RGS6: variants seen among roughly 807,000 people sequenced by gnomAD.
RGS6 encodes the protein regulator of G-protein signaling 6.
Under a neutral mutation model 78.5 loss-of-function variants are expected in RGS6, and 30 were observed. The ratio of observed to expected loss-of-function variants is 0.38; its 90% CI spans 0.29 to 0.52. The LOEUF is 0.52. Among genes scored for constraint, RGS6 ranks in the 20% least tolerant of loss-of-function variants. RGS6 has a pLI of 0.85. For missense variants in RGS6, 495 were observed against 609.7 expected (o/e 0.81, Z 1.98); for synonymous variants, 206 against 206.0 (o/e 1.00, Z 0.00).
chr14:72,614,777 G>GGAAAAAAAAAAAA, the RGS6 span, among the ~76,000 whole-genome samples: 50 of 96,058 alleles, frequency 5.2e-4, no homozygotes, highest in Middle Eastern at 7.0e-3. Context: ...ACAAGCCTCA[G>GGAAAAAAAAAAAA]AAAAAAAAAA....
chr14:72,626,359 A>G, the RGS6 span, among the ~76,000 whole-genome samples: 1 of 151,936 alleles, frequency 6.6e-6, no homozygotes, highest in Non-Finnish European at 1.5e-5. Context: ...TTCTTCTTAT[A>G]TTTCTTTTAC....
At chr14:72,335,147 G>C (rs1459684804) in intron 2 of RGS6, among the ~76,000 whole-genome samples, 1 of 152,074 alleles carries the variant, frequency 6.6e-6, no homozygotes, top group Non-Finnish European at 1.5e-5. Context: ...TGATTGTGAG[G>C]CTTCCCCAGC....
At chr14:72,047,157 C>T (rs922883950) in intron 2 of RGS6, among the ~76,000 whole-genome samples, 9 of 152,166 alleles carry the variant, frequency 5.9e-5, no homozygotes, top group East Asian at 5.8e-4. Context: ...CAGCTCCAGA[C>T]GATGGTCTAC....
intron 2 of RGS6, among the ~76,000 whole-genome samples, chr14:72,212,753 C>T (rs908143854): frequency 6.6e-6 from 1 of 152,100 alleles, no homozygotes; most frequent in Non-Finnish European, 1.5e-5. Flanking sequence ...GGACACAAAC[C>T]CACAACATAA....
intron 15 of RGS6, 96 bp from the exon 16 acceptor site, chr14:72,536,090 A>G (rs2097248146): frequency 2.1e-6 from 2 of 973,732 alleles, no homozygotes; most frequent in African/African-American, 3.2e-5. Context: ...AGGTTCCTTC[A>G]TCTCCTTCCC....
At chr14:72,143,395 CT>C in intron 2 of RGS6, among the ~76,000 whole-genome samples, 1 of 152,038 alleles carries the variant, frequency 6.6e-6, no homozygotes, top group Non-Finnish European at 1.5e-5. Flanking sequence ...AAAAAACTGT[CT>C]TTTTCTAGCC....
chr14:72,488,822 G>T (rs1441223140), intron 12 of RGS6, among the ~76,000 whole-genome samples: 1 of 152,154 alleles, frequency 6.6e-6, no homozygotes, highest in Non-Finnish European at 1.5e-5. Context: ...TGGCTGGTTG[G>T]ACCCCACTTC....
intron 2 of RGS6, among the ~76,000 whole-genome samples, chr14:72,211,108 C>G (rs1037953774): frequency 1.3e-5 from 2 of 152,116 alleles, no homozygotes; most frequent in Non-Finnish European, 2.9e-5. Flanking sequence ...GTGAACAGAG[C>G]AGGTCACTGA....
At chr14:72,410,934 G>A (rs1233884800) in intron 3 of RGS6, among the ~76,000 whole-genome samples, 1 of 152,154 alleles carries the variant, frequency 6.6e-6, no homozygotes, top group African/African-American at 2.4e-5. Context: ...CTATATCTCT[G>A]TTTTGGTACC....
At chr14:72,433,660 G>A (rs1018543073) in intron 3 of RGS6, among the ~76,000 whole-genome samples, 3 of 152,024 alleles carry the variant, frequency 2.0e-5, no homozygotes, top group Non-Finnish European at 4.4e-5. Flanking sequence ...AGCTCCTCTT[G>A]CCTCCACGAC....
At chr14:72,481,139 G>A (rs1566950082) in intron 12 of RGS6, among the ~76,000 whole-genome samples, 1 of 152,142 alleles carries the variant, frequency 6.6e-6, no homozygotes, top group Non-Finnish European at 1.5e-5. Context: ...TTCTCTCGGT[G>A]CCTGTTTTTA....
At chr14:71,928,271 A>G (rs570929530), upstream of RGS6, among the ~76,000 whole-genome samples, 1 of 152,180 alleles carries the variant, frequency 6.6e-6, no homozygotes, top group South Asian at 2.1e-4. Context: ...TCAGGCATTT[A>G]TTTTCTTTCA....
chr14:71,998,125 A>G (rs780345213), intron 2 of RGS6, among the ~76,000 whole-genome samples: 3 of 152,192 alleles, frequency 2.0e-5, no homozygotes, highest in Non-Finnish European at 4.4e-5. Context: ...CGGTGTGGAA[A>G]GGTGGGACGA....
At chr14:72,547,927 C>T (rs1359678479) in intron 17 of RGS6, among the ~76,000 whole-genome samples, 2 of 152,192 alleles carry the variant, frequency 1.3e-5, no homozygotes, top group Non-Finnish European at 2.9e-5. Context: ...AAATACATTT[C>T]CCACTCCAGA....
At chr14:72,550,562 G>A in intron 17 of RGS6, 2 of 1,535,564 alleles carry the variant, frequency 1.3e-6, no homozygotes, top group Middle Eastern at 1.7e-4. Flanking sequence ...ACCCAACCTT[G>A]TAATCTTCTG....
At chr14:72,542,137 T>A (rs2097335443) in intron 17 of RGS6, among the ~76,000 whole-genome samples, 1 of 152,268 alleles carries the variant, frequency 6.6e-6, no homozygotes, top group East Asian at 1.9e-4. Context: ...TTCCCTGCTA[T>A]TTTATGAACA....
chr14:72,477,059 A>G (rs2096257373), intron 11 of RGS6: 2 of 522,676 alleles, frequency 3.8e-6, no homozygotes, highest in East Asian at 3.4e-5. Context: ...GTTACTAGAA[A>G]AGGGCGTAAA....
chr14:72,015,101 C>G (rs1193993985), intron 2 of RGS6, among the ~76,000 whole-genome samples: 2 of 152,154 alleles, frequency 1.3e-5, no homozygotes, highest in Non-Finnish European at 2.9e-5. Context: ...GTTCCTGGTT[C>G]TTCAGGCTGT....
At position 72,524,267 on chromosome 14, in the gene RGS6, C is replaced by T. The variant is rs1287625024; in HGVS notation, c.1278+5730C>T. ...TGCATCCTAAGGAATTTGAGCTTCTCATCCTGAAGACAGTAGCAAAGCATT... is the reference window on the plus strand; with the variant it reads ...TGCATCCTAAGGAATTTGAGCTTCTTATCCTGAAGACAGTAGCAAAGCATT... On this transcript the variant is annotated intron_variant, in intron 15 of 17. Coordinates refer to ENST00000553525, the MANE Select transcript of RGS6 (RefSeq NM_001204424.2). Among the ~76,000 whole-genome samples the T allele has an allele frequency of 4.6e-5, 7 of 152,306 alleles. 1 individual carries two copies. Among genetic ancestry groups the T allele is most frequent in the Admixed American group, 4.6e-4 (7 of 15,306 alleles).
Sources: gnomAD v4.1 joint callset for allele counts (sites outside exome capture counted in the v4.1 genomes callset) on GRCh38, gnomAD v4.1.1 for gene constraint, MANE v1.5 for transcripts, NCBI Gene and HGNC (gene_info 2026-07-23, HGNC 2026-07-21) for gene names.